Variants in PPP1R12B observed in about 807,000 individuals in gnomAD.
PPP1R12B encodes the protein protein phosphatase 1 regulatory subunit 12B.
Under a neutral mutation model 126.1 loss-of-function variants are expected in PPP1R12B, and 76 were observed. The ratio of observed to expected loss-of-function variants is 0.60; its 90% confidence interval spans 0.50 to 0.73. The LOEUF (loss-of-function observed/expected upper bound fraction) is 0.73. PPP1R12B is among the 30% of genes least tolerant of loss of function. PPP1R12B has a pLI of 0.00. For synonymous variants in PPP1R12B, 356 were observed against 434.7 expected (o/e 0.82, Z 2.25); for missense variants, 1,052 against 1,205.1 (o/e 0.87, Z 1.88).
intron 13 of PPP1R12B, among the ~76,000 whole-genome samples, chr1:202,473,341 A>G (rs1237709475): frequency 6.6e-6 from 1 of 152,214 alleles, no homozygotes; most frequent in Non-Finnish European, 1.5e-5. Context: ...GGTTTAACCC[A>G]TTTATAGCAG....
At chr1:202,410,263 G>A (rs1667217135) in intron 1 of PPP1R12B, 1 of 152,222 alleles carries the variant, frequency 6.6e-6, no homozygotes, top group African/African-American at 2.4e-5. Context: ...TACTCTTTTG[G>A]TAGTGTTTCT....
intron 1 of PPP1R12B, among the ~76,000 whole-genome samples, chr1:202,389,687 TG>T (rs1466762600): frequency 1.3e-5 from 2 of 151,686 alleles, no homozygotes; most frequent in Non-Finnish European, 2.9e-5. Flanking sequence ...CCCAGCACTT[TG>T]GGAGGCCAAG....
intron 13 of PPP1R12B, among the ~76,000 whole-genome samples, chr1:202,475,181 C>T (rs1235368972): frequency 6.6e-6 from 1 of 152,156 alleles, no homozygotes; most frequent in Non-Finnish European, 1.5e-5. Flanking sequence ...GTATTAGCCT[C>T]CCGTTCCCAA....
At chr1:202,472,421 C>T (rs1204233861) in intron 13 of PPP1R12B, among the ~76,000 whole-genome samples, 2 of 152,134 alleles carry the variant, frequency 1.3e-5, no homozygotes, top group Non-Finnish European at 2.9e-5. Flanking sequence ...GACAGTTGGC[C>T]AGGTCCAGCT....
intron 1 of PPP1R12B, among the ~76,000 whole-genome samples, chr1:202,380,570 G>A (rs544132325): frequency 1.3e-5 from 2 of 152,134 alleles, no homozygotes; most frequent in Non-Finnish European, 2.9e-5. Context: ...TCCCCTGAGA[G>A]TAGAGCCCTG....
chr1:202,501,493 A>C (rs1045132719), intron 18 of PPP1R12B, among the ~76,000 whole-genome samples: 3 of 152,212 alleles, frequency 2.0e-5, no homozygotes, highest in Non-Finnish European at 2.9e-5. Flanking sequence ...ACAAGTGGTC[A>C]ACAGAAAAGA....
intron 1 of PPP1R12B, among the ~76,000 whole-genome samples, chr1:202,395,436 C>T (rs935054130): frequency 3.3e-5 from 5 of 152,186 alleles, no homozygotes; most frequent in Admixed American, 1.3e-4. Context: ...AGACTTAGCT[C>T]ACAACTTACT....
chr1:202,370,653 C>T (rs575944948), intron 1 of PPP1R12B, among the ~76,000 whole-genome samples: 2 of 152,238 alleles, frequency 1.3e-5, no homozygotes, highest in Non-Finnish European at 2.9e-5. Flanking sequence ...TCTCCTGCCT[C>T]AGCCTCCCTA....
intron 18 of PPP1R12B, among the ~76,000 whole-genome samples, chr1:202,499,768 T>C (rs1437870201): frequency 6.6e-6 from 1 of 152,236 alleles, no homozygotes; most frequent in African/African-American, 2.4e-5. Context: ...TAAATCTCTA[T>C]TGAGGTCATT....
chr1:202,546,784 T>C (rs1443093484), intron 18 of PPP1R12B, among the ~76,000 whole-genome samples: 1 of 152,142 alleles, frequency 6.6e-6, no homozygotes, highest in African/African-American at 2.4e-5. Flanking sequence ...GGGCTAAAAA[T>C]ACTGATATTT....
intron 13 of PPP1R12B, among the ~76,000 whole-genome samples, chr1:202,464,128 A>G (rs552149978): frequency 6.6e-6 from 1 of 152,184 alleles, no homozygotes; most frequent in Non-Finnish European, 1.5e-5. Flanking sequence ...CCCAGGCTAA[A>G]ACTAGTATTC....
chr1:202,378,826 C>T (rs1661715130), intron 1 of PPP1R12B, among the ~76,000 whole-genome samples: 1 of 152,180 alleles, frequency 6.6e-6, no homozygotes, highest in South Asian at 2.1e-4. Context: ...GTTTTATCTA[C>T]TTGATCTCCA....
intron 13 of PPP1R12B, among the ~76,000 whole-genome samples, chr1:202,459,855 T>C (rs1674099454): frequency 6.6e-6 from 1 of 152,226 alleles, no homozygotes; most frequent in Non-Finnish European, 1.5e-5. Context: ...ATAACTGCCA[T>C]TCAGTCTTTG....
At chr1:202,386,671 A>G (rs2148507373) in intron 1 of PPP1R12B, among the ~76,000 whole-genome samples, 1 of 152,126 alleles carries the variant, frequency 6.6e-6, no homozygotes, top group East Asian at 1.9e-4. Context: ...CATTTGGCAA[A>G]TTTAAGGCAC....
In PPP1R12B at chr1:202,446,245, TA is replaced by T. The variant is rs1558238136; in HGVS notation, c.1668-2743del. Among the ~76,000 whole-genome samples, 186 of 63,164 alleles carry T rather than the reference TA, an allele frequency of 2.9e-3. 1 individual carries two copies. The highest frequency in any genetic ancestry group is 0.013 in the African/African-American group (162 of 12,830). The allele number at this position is 63,164 out of a possible 152,430, so 41.4% of individuals were successfully genotyped here. On this transcript the variant is annotated intron_variant, in intron 12 of 23. Coordinates refer to ENST00000608999, the MANE Select transcript of PPP1R12B (RefSeq NM_002481.4). ...CTCTCTCTCTCTCTCTCTATATATA[TA>T]TATATATATATTTTTTTTTTTTTTT... is the stretch of plus-strand genomic sequence containing the variant.
intron 18 of PPP1R12B, among the ~76,000 whole-genome samples, chr1:202,556,396 G>A (rs910580641): frequency 3.3e-5 from 5 of 152,138 alleles, no homozygotes; most frequent in African/African-American, 1.2e-4. Flanking sequence ...ATTCAATTCA[G>A]TTAGTGTTTA....
At chr1:202,544,304 G>A (rs1199979569) in intron 18 of PPP1R12B, among the ~76,000 whole-genome samples, 1 of 152,062 alleles carries the variant, frequency 6.6e-6, no homozygotes, top group African/African-American at 2.4e-5. Flanking sequence ...TAATTACTAT[G>A]TATATTATTG....
rs1678021960 is a variant in PPP1R12B, at chr1:202,485,703, A to G, written c.1851-2830A>G. Among the ~76,000 whole-genome samples the G allele has an allele frequency of 2.0e-5, 3 of 152,054 alleles. 1 individual carries two copies. The highest frequency in any genetic ancestry group is 1.3e-4 in the Admixed American group (2 of 15,254). ...GCTGCCCTGGACTTTTGTCTTCCAC[A>G]GGGATTTTGCTGTTCCCCTAGTGCT... On this transcript the variant is annotated intron_variant, in intron 13 of 23. Transcript: ENST00000608999.
At chr1:202,381,039 C>G (rs1283985990) in intron 1 of PPP1R12B, among the ~76,000 whole-genome samples, 3 of 152,146 alleles carry the variant, frequency 2.0e-5, no homozygotes, top group African/African-American at 7.2e-5. Context: ...TAAATTGTAT[C>G]TCAATAGCAT....
Sources: gnomAD v4.1 joint callset for allele counts (sites outside exome capture counted in the v4.1 genomes callset) on GRCh38, gnomAD v4.1.1 for gene constraint, MANE v1.5 for transcripts, NCBI Gene and HGNC (gene_info 2026-07-23, HGNC 2026-07-21) for gene names.